The following RASA1 variants were observed in gnomAD, a reference collection of about 807,000 sequenced individuals.
RASA1 encodes the protein ras GTPase-activating protein 1.
A neutral mutation model predicts 132.2 loss-of-function variants in RASA1; 25 were observed. The observed-to-expected ratio is 0.19, with a 90% CI of 0.14 to 0.26. RASA1 has a LOEUF of 0.26. RASA1 is among the 10% of genes least tolerant of loss of function. The pLI is 1.00. For missense variants in RASA1, 964 were observed against 1,299.2 expected (o/e 0.74, Z 3.97); for synonymous variants, 477 against 449.9 (o/e 1.06, Z -0.76).
Position 87,273,664 on chromosome 5 carries a change from C to G in RASA1, c.539+4674C>G, listed in dbSNP as rs185349437. Among the ~76,000 whole-genome samples, 567 of 151,534 alleles carry G rather than the reference C, an allele frequency of 3.7e-3. 2 individuals carry two copies. Among genetic ancestry groups the G allele is most frequent in the Middle Eastern group, 6.8e-3 (2 of 292 alleles). On this transcript the variant is annotated intron_variant, in intron 1 of 24. Transcript: ENST00000274376. Reference sequence around the variant, plus strand: ...ATTTGGAATATTTGATAATTGTCACCATTTAAGAATAGAGATTTCTTTTCT... The same window carrying G: ...ATTTGGAATATTTGATAATTGTCACGATTTAAGAATAGAGATTTCTTTTCT...
At chr5:87,305,930 C>G (rs1561268298) in intron 1 of RASA1, among the ~76,000 whole-genome samples, 1 of 152,136 alleles carries the variant, frequency 6.6e-6, no homozygotes, top group African/African-American at 2.4e-5. Flanking sequence ...CACAATGACA[C>G]CAGTCAGCAT....
chr5:87,288,723 G>A (rs1305542586), intron 1 of RASA1, among the ~76,000 whole-genome samples: 1 of 151,992 alleles, frequency 6.6e-6, no homozygotes, highest in African/African-American at 2.4e-5. Flanking sequence ...GGTCCAGATT[G>A]CATGTTCAAC....
chr5:87,294,122 T>C (rs375012009), intron 1 of RASA1: 7 of 152,216 alleles, frequency 4.6e-5, no homozygotes, highest in African/African-American at 1.7e-4. Flanking sequence ...TTGGAGTTAA[T>C]TTGCTTTTCT....
At chr5:87,347,919 A>C (rs1758978582) in intron 7 of RASA1, among the ~76,000 whole-genome samples, 1 of 151,962 alleles carries the variant, frequency 6.6e-6, no homozygotes, top group African/African-American at 2.4e-5. Context: ...CAAGGTTGAA[A>C]AGGAGCTAAA....
At chr5:87,270,174 G>A (rs1299968504) in intron 1 of RASA1, among the ~76,000 whole-genome samples, 2 of 150,226 alleles carry the variant, frequency 1.3e-5, no homozygotes, top group Non-Finnish European at 3.0e-5. Context: ...CCCAGGAGGC[G>A]GAGGTTGCAG....
At chr5:87,323,386 T>C (rs142985915) in intron 1 of RASA1, among the ~76,000 whole-genome samples, 199 of 152,226 alleles carry the variant, frequency 1.3e-3, no homozygotes, top group African/African-American at 4.4e-3. Context: ...AGTAGAAAAA[T>C]GGGCATATTG....
intron 11 of RASA1, among the ~76,000 whole-genome samples, chr5:87,368,272 A>C (rs1369990916): frequency 6.6e-6 from 1 of 152,008 alleles, no homozygotes; most frequent in Non-Finnish European, 1.5e-5. Flanking sequence ...TCAGGACTTC[A>C]TTTTATTACA....
Position 87,292,066 on chromosome 5 carries a change from C to G in RASA1, c.539+23076C>G, listed in dbSNP as rs142574616. Among the ~76,000 whole-genome samples, 895 of 152,266 alleles carry G rather than the reference C, an allele frequency of 5.9e-3. 4 individuals are homozygous for G. The highest frequency in any genetic ancestry group is 0.019 in the African/African-American group (807 of 41,554). On this transcript the variant is annotated intron_variant, in intron 1 of 24. Coordinates refer to ENST00000274376, the MANE Select transcript of RASA1 (RefSeq NM_002890.3). ...GAGTTCTTTGTATATTTTTGGATAA[C>G]AGTCCTTTACCAGATGTGTCTTTTG...
rs1756705259 is a variant in RASA1 at position 87,320,488 on chromosome 5, TA to T, written c.540-10859del. ...ATGGCTGGAGAGGCCTCAGAAGACT[TA>T]CAATCATGGCAGAAGGCAAAGGGGA... is the stretch of plus-strand genomic sequence containing the variant. On this transcript the variant is annotated intron_variant, in intron 1 of 24. Transcript: ENST00000274376. Among the ~76,000 whole-genome samples, 4 of 152,342 alleles carry T rather than the reference TA, an allele frequency of 2.6e-5. No individual in the cohort carries two copies. The South Asian group carries it at 8.3e-4, about 32-fold the overall frequency.
At chr5:87,291,704 T>G (rs1357305142) in intron 1 of RASA1, among the ~76,000 whole-genome samples, 5 of 152,188 alleles carry the variant, frequency 3.3e-5, no homozygotes, top group African/African-American at 9.7e-5. Flanking sequence ...CCTTGCCCGC[T>G]ACTCACTCTT....
intron 9 of RASA1, among the ~76,000 whole-genome samples, chr5:87,356,338 C>G (rs967286976): frequency 4.6e-5 from 7 of 152,094 alleles, no homozygotes; most frequent in African/African-American, 7.2e-5. Flanking sequence ...CAAGACCCTT[C>G]ACCAGCGTAA....
chr5:87,271,025 A>T (rs1753806940), intron 1 of RASA1, among the ~76,000 whole-genome samples: 1 of 152,086 alleles, frequency 6.6e-6, no homozygotes, highest in Non-Finnish European at 1.5e-5. Flanking sequence ...GATCACCTGA[A>T]GTCCGGAGTT....
Position 87,363,500 on chromosome 5 carries a change from G to C in RASA1, c.1606G>C (p.Gly536Arg), listed in dbSNP as rs1760267373. The change falls in exon 11 of 25, where the codon GGC becomes CGC. Residue 536 changes from glycine (G) to arginine (R), a missense_variant. Coordinates refer to ENST00000274376, the MANE Select transcript of RASA1 (RefSeq NM_002890.3). ...SVYVVHDSLF[G>R]RPNCFQIVVQ... ...CTATGTCGTTCATGATAGTCTCTTT[G>C]GCAGGTAAGAGACTGGTTTCCTATT... 2 of 1,610,788 alleles carry C rather than the reference G, an allele frequency of 1.2e-6. No homozygotes were observed. Among genetic ancestry groups the C allele is most frequent in the East Asian group, 4.5e-5 (2 of 44,714 alleles).
chr5:87,374,787 G>A, intron 14 of RASA1, 53 bp from the exon 15 acceptor site: 2 of 1,595,676 alleles, frequency 1.3e-6, no homozygotes, highest in Non-Finnish European at 1.7e-6. Flanking sequence ...AAAGAAATAA[G>A]GTAGTTTGAT....
At chr5:87,310,051 A>C (rs1020059714) in intron 1 of RASA1, among the ~76,000 whole-genome samples, 1 of 152,134 alleles carries the variant, frequency 6.6e-6, no homozygotes, top group Admixed American at 6.6e-5. Flanking sequence ...GAGAGGTAAT[A>C]TAATGTTTTG....
chr5:87,293,061 GTAT>G (rs1754975668), intron 1 of RASA1, among the ~76,000 whole-genome samples: 1 of 151,832 alleles, frequency 6.6e-6, no homozygotes, highest in Admixed American at 6.6e-5. Flanking sequence ...AACAAAGACA[GTAT>G]TATTTCTTCT....
intron 6 of RASA1, among the ~76,000 whole-genome samples, chr5:87,345,786 C>A (rs948180203): frequency 6.6e-6 from 1 of 152,074 alleles, no homozygotes; most frequent in Admixed American, 6.6e-5. Context: ...TATTTACTTT[C>A]TAGCTTGCTC....
chr5:87,373,568 C>T (rs1227774362), intron 13 of RASA1, among the ~76,000 whole-genome samples: 1 of 151,996 alleles, frequency 6.6e-6, no homozygotes, highest in Non-Finnish European at 1.5e-5. Context: ...CGGATTTGTG[C>T]AAGGCCACAC....
At position 87,301,482 on chromosome 5, in the gene RASA1, C is replaced by T. The variant is rs141617329; in HGVS notation, c.540-29866C>T. ...CAGCATCTTAGATGTCTTTTTGTGC[C>T]TACTTTCTGCCTAATACACACACCA... On this transcript the variant is annotated intron_variant, in intron 1 of 24. Coordinates refer to ENST00000274376, the MANE Select transcript of RASA1 (RefSeq NM_002890.3). Among the ~76,000 whole-genome samples the T allele has an allele frequency of 2.5e-3, 380 of 149,920 alleles. 2 individuals are homozygous for T. Among genetic ancestry groups the T allele is most frequent in the African/African-American group, 8.6e-3 (357 of 41,306 alleles).
Sources: gnomAD v4.1 joint callset for allele counts (sites outside exome capture counted in the v4.1 genomes callset) on GRCh38, gnomAD v4.1.1 for gene constraint, MANE v1.5 for transcripts, NCBI Gene and HGNC (gene_info 2026-07-23, HGNC 2026-07-21) for gene names.